The following MAF variants were observed in gnomAD, a reference collection of about 807,000 sequenced individuals.
MAF encodes transcription factor Maf.
In MAF, 10 loss-of-function variants were observed where a neutral mutation model predicts 22.0. The observed-to-expected ratio is 0.45, with a 90% CI of 0.28 to 0.77. The LOEUF is 0.77. Ranked by LOEUF, MAF falls within the 30% of genes least tolerant of loss-of-function variation. The pLI is 0.12. For synonymous variants in MAF, 337 were observed against 255.8 expected (o/e 1.32, Z -3.03); for missense variants, 544 against 548.4 (o/e 0.99, Z 0.08).
Position 79,599,009 on chromosome 16 carries a change from G to A in MAF, c.894C>T (p.Asn298=). 2 of 1,613,692 alleles carry A rather than the reference G, an allele frequency of 1.2e-6. No homozygotes were observed. Among genetic ancestry groups the A allele is most frequent in the South Asian group, 1.1e-5 (1 of 91,080 alleles). ...RLKQKRRTLK[N]RGYAQSCRFK... ...AGCGGCAGGACTGGGCATAGCCGCG[G>A]TTTTTCAGGGTCCGCCTCTTCTGCT... The change falls in exon 1 of 2, where the codon AAC becomes AAT. Residue 298 remains asparagine (N), a synonymous_variant. Coordinates refer to ENST00000326043, the MANE Select transcript of MAF (RefSeq NM_005360.5).
chr16:79,500,611 C>A, the MAF span, among the ~76,000 whole-genome samples: 2 of 152,104 alleles, frequency 1.3e-5, no homozygotes, highest in Admixed American at 1.3e-4. Flanking sequence ...TGGCTGTAGG[C>A]AGAAAAAGTA....
At chr16:79,398,482 T>A in the MAF span, among the ~76,000 whole-genome samples, 2 of 152,282 alleles carry the variant, frequency 1.3e-5, no homozygotes, top group Admixed American at 6.5e-5. Flanking sequence ...TCCAATCTGC[T>A]GCAGAAGAGG....
chr16:79,304,977 C>A, the MAF span, among the ~76,000 whole-genome samples: 1 of 152,106 alleles, frequency 6.6e-6, no homozygotes, highest in Admixed American at 6.5e-5. Flanking sequence ...AGCACTAATT[C>A]AGAATGGATG....
the MAF span, among the ~76,000 whole-genome samples, chr16:79,322,542 G>A: frequency 3.9e-5 from 6 of 152,176 alleles, no homozygotes; most frequent in Non-Finnish European, 7.3e-5. Context: ...CCTCCTATGA[G>A]CCAGACATTG....
At chr16:79,357,257 A>T in the MAF span, among the ~76,000 whole-genome samples, 15,056 of 63,870 alleles carry the variant, frequency 0.24, 819 homozygotes, top group Non-Finnish European at 0.28. Context: ...CTCTGTCACA[A>T]CAACAACAAC....
At chr16:79,430,102 C>T in the MAF span, among the ~76,000 whole-genome samples, 1 of 152,198 alleles carries the variant, frequency 6.6e-6, no homozygotes, top group Non-Finnish European at 1.5e-5. Context: ...AAAACTGGAG[C>T]TTCAACCCAG....
the MAF span, among the ~76,000 whole-genome samples, chr16:79,392,499 G>C: frequency 1.1e-4 from 6 of 56,408 alleles, no homozygotes; most frequent in Admixed American, 2.8e-4. Context: ...GATAGGAGGA[G>C]AGAGAGAGAG....
the MAF span, among the ~76,000 whole-genome samples, chr16:79,552,328 C>T: frequency 6.6e-6 from 1 of 152,084 alleles, no homozygotes; most frequent in Admixed American, 6.5e-5. Flanking sequence ...ATCGTCCAGC[C>T]TTCCCAGTAG....
At chr16:79,366,935 G>C in the MAF span, among the ~76,000 whole-genome samples, 1 of 152,192 alleles carries the variant, frequency 6.6e-6, no homozygotes, top group Non-Finnish European at 1.5e-5. Context: ...GTGTATCTCA[G>C]GGCTTGGTAT....
At chr16:79,438,835 G>A in the MAF span, among the ~76,000 whole-genome samples, 19 of 152,256 alleles carry the variant, frequency 1.2e-4, no homozygotes, top group Non-Finnish European at 5.9e-5. Flanking sequence ...TATTTTTCAA[G>A]CACGTATTCC....
chr16:79,542,428 T>A, the MAF span, among the ~76,000 whole-genome samples: 1 of 152,100 alleles, frequency 6.6e-6, no homozygotes, highest in Admixed American at 6.6e-5. Flanking sequence ...CAGGCTGGTG[T>A]CTCCCAAGCA....
chr16:79,556,983 T>TA, the MAF span, among the ~76,000 whole-genome samples: 68,547 of 145,914 alleles, frequency 0.47, 16,932 homozygotes, highest in Non-Finnish European at 0.56. Context: ...CAACAAGCTT[T>TA]AAAAAAAAAA....
At chr16:79,484,860 G>T in the MAF span, among the ~76,000 whole-genome samples, 1 of 152,186 alleles carries the variant, frequency 6.6e-6, no homozygotes, top group African/African-American at 2.4e-5. Flanking sequence ...ACCAGAGAAA[G>T]GACCTGAAGG....
chr16:79,573,650 T>C, the MAF span, among the ~76,000 whole-genome samples: 2 of 152,236 alleles, frequency 1.3e-5, no homozygotes, highest in African/African-American at 2.4e-5. Context: ...ATTTGTTCAA[T>C]GAAATCTTAA....
chr16:79,569,028 T>C, the MAF span, among the ~76,000 whole-genome samples: 1 of 152,352 alleles, frequency 6.6e-6, no homozygotes, highest in Admixed American at 6.5e-5. Flanking sequence ...GTCTACCATG[T>C]ACTGAGCACT....
chr16:79,365,157 G>A, the MAF span, among the ~76,000 whole-genome samples: 6 of 152,280 alleles, frequency 3.9e-5, no homozygotes, highest in East Asian at 3.9e-4. Context: ...AATTGTCTCC[G>A]TCTAATGTGC....
At chr16:79,351,117 G>C in the MAF span, among the ~76,000 whole-genome samples, 3 of 152,104 alleles carry the variant, frequency 2.0e-5, no homozygotes, top group Non-Finnish European at 4.4e-5. Context: ...GCTGCTTCAC[G>C]ATTGAGTCCT....
the MAF span, among the ~76,000 whole-genome samples, chr16:79,539,294 A>G: frequency 6.6e-6 from 1 of 152,230 alleles, no homozygotes; most frequent in Non-Finnish European, 1.5e-5. Flanking sequence ...ACCTGAGGGC[A>G]GGAGTTTAAA....
At chr16:79,598,590 G>C in intron 1 of MAF, 195 bp downstream of exon 1, 2 of 1,470,192 alleles carry the variant, frequency 1.4e-6, no homozygotes, top group Non-Finnish European at 1.8e-6. Context: ...GGGTGTGTGT[G>C]TGTGTGTGTG....
Sources: allele counts gnomAD v4.1 joint callset (sites outside exome capture counted in the v4.1 genomes callset), GRCh38; gene constraint gnomAD v4.1.1; transcripts MANE v1.5; gene names NCBI Gene and HGNC (gene_info 2026-07-23, HGNC 2026-07-21).